Variants in FRA10AC1 observed in about 807,000 individuals in gnomAD.
FRA10AC1 encodes protein FRA10AC1.
Under a neutral mutation model 56.5 loss-of-function variants are expected in FRA10AC1, and 43 were observed. The observed-to-expected ratio is 0.76, with a 90% confidence interval of 0.60 to 0.98. The LOEUF (loss-of-function observed/expected upper bound fraction) is 0.98, where lower values mean the gene tolerates loss of function less well. Ranked by LOEUF, FRA10AC1 falls within the 50% of genes least tolerant of loss-of-function variation. The pLI, the probability that FRA10AC1 is intolerant of heterozygous loss-of-function variation, is 0.00. For synonymous variants in FRA10AC1, 112 were observed against 110.5 expected (o/e 1.01, Z -0.09); for missense variants, 346 against 351.8 (o/e 0.98, Z 0.13).
chr10:93,701,977 C>T (rs1407463310), intron 1 of FRA10AC1, among the ~76,000 whole-genome samples: 2 of 152,076 alleles, frequency 1.3e-5, no homozygotes, highest in Non-Finnish European at 2.9e-5. Flanking sequence ...AAAAGAGTTG[C>T]CTCATCTAAA....
At chr10:93,684,896 C>T (rs956572188) in intron 9 of FRA10AC1, among the ~76,000 whole-genome samples, 7 of 152,096 alleles carry the variant, frequency 4.6e-5, no homozygotes, top group South Asian at 2.1e-4. Flanking sequence ...TGTGCTACAA[C>T]GATATCACTG....
intron 9 of FRA10AC1, among the ~76,000 whole-genome samples, chr10:93,684,547 C>A (rs947794561): frequency 2.2e-5 from 3 of 139,406 alleles, no homozygotes; most frequent in Non-Finnish European, 4.6e-5. Flanking sequence ...GCTGACTTTT[C>A]CTCTTGAGCA....
intron 4 of FRA10AC1, among the ~76,000 whole-genome samples, chr10:93,696,428 C>A (rs761093534): frequency 6.6e-6 from 1 of 152,064 alleles, no homozygotes. Flanking sequence ...CAGTCAGAAT[C>A]GCAATTATTA....
chr10:93,693,640 C>CACACCATATATACACACCATATATAT (rs1564820374), intron 5 of FRA10AC1, among the ~76,000 whole-genome samples: 3 of 58,824 alleles, frequency 5.1e-5, no homozygotes, highest in Non-Finnish European at 1.2e-4. Flanking sequence ...CATATATATA[C>CACACCATATATACACACCATATATAT]ACACCATATA....
chr10:93,693,552 A>AC (rs2059171286), intron 5 of FRA10AC1, among the ~76,000 whole-genome samples: 8 of 140,130 alleles, frequency 5.7e-5, no homozygotes, highest in Admixed American at 1.4e-4. Context: ...ATATATACAC[A>AC]CATACATACA....
chr10:93,698,101 C>T (rs2059262617), intron 4 of FRA10AC1, 35 bp downstream of exon 4: 1 of 1,217,304 alleles, frequency 8.2e-7, no homozygotes, highest in Non-Finnish European at 1.1e-6. Context: ...AAATATTCTA[C>T]TAGTTATAAA....
At chr10:93,671,023 C>A in intron 12 of FRA10AC1, 175 bp from the exon 13 acceptor site, 1 of 508,966 alleles carries the variant, frequency 2.0e-6, no homozygotes, top group Non-Finnish European at 3.5e-6. Flanking sequence ...TATAAATAAG[C>A]CAAGGGTTAC....
intron 7 of FRA10AC1, among the ~76,000 whole-genome samples, chr10:93,689,632 A>G (rs1236062868): frequency 2.0e-5 from 3 of 152,204 alleles, no homozygotes; most frequent in Non-Finnish European, 2.9e-5. Flanking sequence ...AGTGATTATT[A>G]AAATAGTGTG....
intron 11 of FRA10AC1, among the ~76,000 whole-genome samples, chr10:93,678,136 G>A (rs1564813180): frequency 6.6e-6 from 1 of 152,194 alleles, no homozygotes; most frequent in Non-Finnish European, 1.5e-5. Context: ...TTGGAGAAGT[G>A]AGGAGAAGGG....
intron 4 of FRA10AC1, among the ~76,000 whole-genome samples, chr10:93,697,524 C>G (rs1448314964): frequency 6.6e-6 from 1 of 152,200 alleles, no homozygotes; most frequent in Non-Finnish European, 1.5e-5. Flanking sequence ...ATATTCTCAA[C>G]AGCAGTATGG....
chr10:93,681,042 T>C (rs1335517683), intron 11 of FRA10AC1, among the ~76,000 whole-genome samples: 2 of 152,158 alleles, frequency 1.3e-5, no homozygotes, highest in East Asian at 1.9e-4. Flanking sequence ...CAATTTTATA[T>C]TGATTTATAG....
chr10:93,694,971 T>A, intron 4 of FRA10AC1, 34 bp from the exon 5 acceptor site: 1 of 1,122,030 alleles, frequency 8.9e-7, no homozygotes, highest in Non-Finnish European at 1.4e-6. Context: ...TTTATTCTCT[T>A]AGGAGCTGTT....
intron 7 of FRA10AC1, among the ~76,000 whole-genome samples, chr10:93,689,268 TA>T (rs1379519275): frequency 5.9e-5 from 9 of 152,034 alleles, no homozygotes; most frequent in East Asian, 1.9e-4. Context: ...CAATTTCAAT[TA>T]TTTTTTTTAA....
chr10:93,685,970 C>T (rs1048282501), intron 8 of FRA10AC1, among the ~76,000 whole-genome samples: 1 of 151,752 alleles, frequency 6.6e-6, no homozygotes, highest in Non-Finnish European at 1.5e-5. Flanking sequence ...CTATTATTAA[C>T]ATCACACACA....
In FRA10AC1 at chr10:93,695,547, T is replaced by C. The variant is rs1261283523; in HGVS notation, c.220-610A>G. 3.3e-5 allele frequency among the ~76,000 whole-genome samples: 5 copies of C among 152,028 alleles called. No homozygotes were observed. The East Asian group carries it at 9.6e-4, about 29-fold the overall frequency. ...AAATATATGAGCATTTTACTTTTTGTTTTAAAAAGCTCAACAGCACTCTCT... is the reference window on the plus strand; with the variant it reads ...AAATATATGAGCATTTTACTTTTTGCTTTAAAAAGCTCAACAGCACTCTCT... On this transcript the variant is annotated intron_variant, in intron 4 of 13. Transcript: ENST00000359204.
At chr10:93,686,501 G>A (rs1333906793) in intron 8 of FRA10AC1, among the ~76,000 whole-genome samples, 1 of 151,458 alleles carries the variant, frequency 6.6e-6, no homozygotes, top group African/African-American at 2.4e-5. Flanking sequence ...GACATTTCAG[G>A]ATTTCTCATT....
intron 4 of FRA10AC1, among the ~76,000 whole-genome samples, chr10:93,696,451 A>T (rs2059237056): frequency 6.6e-6 from 1 of 152,202 alleles, no homozygotes; most frequent in African/African-American, 2.4e-5. Flanking sequence ...AAGTCAGGAA[A>T]CAACAGATGC....
At chr10:93,702,812 C>T (rs549623674), upstream of FRA10AC1, among the ~76,000 whole-genome samples, 16 of 151,934 alleles carry the variant, frequency 1.1e-4, no homozygotes, top group South Asian at 1.9e-3. Flanking sequence ...ACCGCTGGCA[C>T]TGCTTGCTGC....
In FRA10AC1 at chr10:93,693,526, T is replaced by C. The variant is rs28377937; in HGVS notation, c.297-797A>G. The stretch of plus-strand genomic sequence containing the variant: ...TATATATACACCATATATATATATA[T>C]ACACCATATATATATATATATACAC... On this transcript the variant is annotated intron_variant, in intron 5 of 13. Coordinates refer to ENST00000359204, the MANE Select transcript of FRA10AC1 (RefSeq NM_145246.5). Among the ~76,000 whole-genome samples the C allele has an allele frequency of 2.5e-3, 34 of 13,478 alleles. 4 individuals carry two copies. Among genetic ancestry groups the C allele is most frequent in the East Asian group, 0.013 (4 of 314 alleles). The allele number at this position is 13,478 out of a possible 152,430, so 8.8% of individuals were successfully genotyped here. A position where few individuals can be genotyped will look rare whatever the true frequency, so the allele number is the denominator to read the frequency against.
Sources: allele counts gnomAD v4.1 joint callset (sites outside exome capture counted in the v4.1 genomes callset), GRCh38; gene constraint gnomAD v4.1.1; transcripts MANE v1.5; gene names NCBI Gene and HGNC (gene_info 2026-07-23, HGNC 2026-07-21).